The following GPATCH2 variants were observed in gnomAD, a reference collection of about 807,000 sequenced individuals.
GPATCH2 encodes the protein G-patch domain containing 2, also known as G patch domain-containing protein 2.
Under a neutral mutation model 58.0 loss-of-function variants are expected in GPATCH2, and 51 were observed. The observed-to-expected ratio is 0.88, with a 90% confidence interval of 0.70 to 1.11. The LOEUF (loss-of-function observed/expected upper bound fraction) is 1.11. Among genes scored for constraint, GPATCH2 ranks in the 50% most tolerant of loss-of-function variants. GPATCH2 has a pLI of 0.00. For missense variants in GPATCH2, 625 were observed against 652.2 expected (o/e 0.96, Z 0.45); for synonymous variants, 222 against 218.5 (o/e 1.02, Z -0.14).
At chr1:217,561,370 C>G (rs1665916439) in intron 5 of GPATCH2, among the ~76,000 whole-genome samples, 1 of 152,124 alleles carries the variant, frequency 6.6e-6, no homozygotes, top group Non-Finnish European at 1.5e-5. Flanking sequence ...AACATACGCA[C>G]AGCAGTTACT....
chr1:217,572,832 A>G (rs1231437520), intron 5 of GPATCH2, among the ~76,000 whole-genome samples: 1 of 152,222 alleles, frequency 6.6e-6, no homozygotes, highest in Non-Finnish European at 1.5e-5. Context: ...ATAGCCACAC[A>G]TATGAGAGAG....
chr1:217,524,624 C>T (rs1423187265), intron 5 of GPATCH2, among the ~76,000 whole-genome samples: 3 of 151,516 alleles, frequency 2.0e-5, no homozygotes, highest in African/African-American at 4.8e-5. Context: ...CTCGGGAGGC[C>T]GAGGCTGGCG....
intron 8 of GPATCH2, among the ~76,000 whole-genome samples, chr1:217,489,902 A>G (rs2102530622): frequency 6.6e-6 from 1 of 152,266 alleles, no homozygotes; most frequent in South Asian, 2.1e-4. Context: ...CAAATTAAAG[A>G]AATTTTTTTT....
intron 1 of GPATCH2, among the ~76,000 whole-genome samples, chr1:217,630,633 CA>C (rs2102866771): frequency 6.6e-6 from 1 of 152,278 alleles, no homozygotes; most frequent in South Asian, 2.1e-4. Context: ...TGTCAACAAT[CA>C]ATGAGGAGAT....
intron 9 of GPATCH2, among the ~76,000 whole-genome samples, chr1:217,433,369 T>TATATATATTGTTC (rs1275348800): frequency 5.3e-4 from 43 of 81,292 alleles, no homozygotes; most frequent in African/African-American, 2.5e-3. Context: ...TTCATATATA[T>TATATATATTGTTC]ATATATATAT....
chr1:217,439,413 T>G (rs1659023156), intron 9 of GPATCH2, among the ~76,000 whole-genome samples: 1 of 152,056 alleles, frequency 6.6e-6, no homozygotes, highest in African/African-American at 2.4e-5. Flanking sequence ...AAGGAGAAAG[T>G]GGGAAAGATC....
chr1:217,606,914 A>C (rs552680148), intron 5 of GPATCH2, among the ~76,000 whole-genome samples: 1 of 151,964 alleles, frequency 6.6e-6, no homozygotes, highest in Admixed American at 6.6e-5. Flanking sequence ...TGCATACACA[A>C]TCTCATTTAA....
At chr1:217,587,637 C>T (rs528199421) in intron 5 of GPATCH2, among the ~76,000 whole-genome samples, 9 of 152,004 alleles carry the variant, frequency 5.9e-5, no homozygotes, top group Non-Finnish European at 1.0e-4. Flanking sequence ...ATCACAAGGT[C>T]ACTGTTAGAG....
In GPATCH2 at chr1:217,614,204, T is replaced by C. The variant is rs1233434518; in HGVS notation, c.774-2A>G. On this transcript the variant is annotated splice_acceptor_variant, in intron 2 of 9. Transcript: ENST00000366935. LOFTEE classifies it high-confidence loss of function. ...GTGCTGCTGAGACTGCTGGAATCACTGTAATAAGGAAAAAGAAAGAAACAG... is the reference window on the plus strand; with the variant it reads ...GTGCTGCTGAGACTGCTGGAATCACCGTAATAAGGAAAAAGAAAGAAACAG... 6.5e-7 allele frequency: 1 copy of C among 1,539,710 alleles called. No individual in the cohort carries two copies. Among genetic ancestry groups the C allele is most frequent in the East Asian group, 2.2e-5 (1 of 44,464 alleles).
chr1:217,619,964 C>T lies in GPATCH2; in HGVS notation c.592G>A (p.Ala198Thr), dbSNP rs1669101723. The T allele has an allele frequency of 1.9e-6, 3 of 1,613,844 alleles. No individual in the cohort carries two copies. Among genetic ancestry groups the T allele is most frequent in the Non-Finnish European group, 8.5e-7 (1 of 1,179,960 alleles). ...TTGGTAAATTCTTGATACTGGTAGGCTCTATCACTGTCCATGTCCTGATCT... is the reference window on the plus strand; with the variant it reads ...TTGGTAAATTCTTGATACTGGTAGGTTCTATCACTGTCCATGTCCTGATCT... ...CRDQDMDSDR[A>T]YQYQEFTKNK... The change falls in exon 2 of 10, where the codon GCC (alanine) becomes ACC (threonine). Residue 198 changes from alanine to threonine, a missense_variant. Coordinates refer to ENST00000366935, the MANE Select transcript of GPATCH2 (RefSeq NM_018040.5).
chr1:217,483,576 G>A (rs1420465215), intron 8 of GPATCH2, among the ~76,000 whole-genome samples: 3 of 152,256 alleles, frequency 2.0e-5, no homozygotes, highest in East Asian at 3.9e-4. Context: ...AAGTATTCAC[G>A]TGGAATGCAT....
intron 9 of GPATCH2, among the ~76,000 whole-genome samples, chr1:217,439,258 T>C (rs183356710): frequency 6.6e-6 from 1 of 152,280 alleles, no homozygotes; most frequent in East Asian, 1.9e-4. Context: ...AACCTGCTCC[T>C]GAATGACTAC....
At chr1:217,623,246 T>G (rs866293493) in intron 1 of GPATCH2, among the ~76,000 whole-genome samples, 29 of 152,144 alleles carry the variant, frequency 1.9e-4, no homozygotes, top group Non-Finnish European at 1.5e-4. Context: ...TAATAAAACA[T>G]GAAATTAACT....
chr1:217,441,962 T>C (rs772224588), intron 9 of GPATCH2, among the ~76,000 whole-genome samples: 30 of 152,118 alleles, frequency 2.0e-4, no homozygotes, highest in Non-Finnish European at 2.6e-4. Context: ...GAACCAGAAA[T>C]ACCATTTGAC....
intron 6 of GPATCH2, among the ~76,000 whole-genome samples, chr1:217,509,835 T>G (rs1333711904): frequency 6.6e-6 from 1 of 152,168 alleles, no homozygotes; most frequent in Non-Finnish European, 1.5e-5. Context: ...AAAACATGTA[T>G]TTTATAATTA....
At chr1:217,540,133 T>C (rs1664664898) in intron 5 of GPATCH2, among the ~76,000 whole-genome samples, 1 of 152,194 alleles carries the variant, frequency 6.6e-6, no homozygotes, top group Non-Finnish European at 1.5e-5. Flanking sequence ...ATTGTTCAAT[T>C]TTATAACTGA....
At chr1:217,582,559 A>G (rs1472341270) in intron 5 of GPATCH2, among the ~76,000 whole-genome samples, 16 of 152,200 alleles carry the variant, frequency 1.1e-4, no homozygotes, top group African/African-American at 3.9e-4. Flanking sequence ...GAAAAGCAAC[A>G]CCACAATTTT....
intron 9 of GPATCH2, among the ~76,000 whole-genome samples, chr1:217,441,434 G>C (rs908020286): frequency 1.3e-5 from 2 of 152,080 alleles, no homozygotes; most frequent in African/African-American, 2.4e-5. Context: ...CAGGACAAAG[G>C]CATGGGCAAA....
intron 2 of GPATCH2, among the ~76,000 whole-genome samples, chr1:217,614,476 T>C (rs1390883973): frequency 1.3e-5 from 2 of 152,040 alleles, no homozygotes; most frequent in Non-Finnish European, 2.9e-5. Flanking sequence ...AATTGATGCA[T>C]TTTATCATGT....
Sources: gnomAD v4.1 joint callset for allele counts (sites outside exome capture counted in the v4.1 genomes callset) on GRCh38, gnomAD v4.1.1 for gene constraint, MANE v1.5 for transcripts, NCBI Gene and HGNC (gene_info 2026-07-23, HGNC 2026-07-21) for gene names.